Variants in ZMAT4 observed in about 807,000 individuals in gnomAD.
The protein encoded by ZMAT4 is zinc finger matrin-type protein 4.
ZMAT4 carries 17 observed loss-of-function variants against 28.7 expected under a neutral mutation model. The ratio of observed to expected loss-of-function variants is 0.59; its 90% CI spans 0.41 to 0.89. ZMAT4 has a LOEUF of 0.89. Among genes scored for constraint, ZMAT4 ranks in the 40% least tolerant of loss-of-function variants. ZMAT4 has a pLI of 0.00. For missense variants in ZMAT4, 240 were observed against 283.8 expected (o/e 0.85, Z 1.11); for synonymous variants, 117 against 109.2 (o/e 1.07, Z -0.44).
intron 5 of ZMAT4, among the ~76,000 whole-genome samples, chr8:40,658,159 A>C (rs562883925): frequency 6.6e-6 from 1 of 152,220 alleles, no homozygotes; most frequent in African/African-American, 2.4e-5. Context: ...CTGTGAGTAT[A>C]CTTTCCTTTA....
Position 40,701,238 on chromosome 8 carries a change from A to G in ZMAT4, c.193-3837T>C, listed in dbSNP as rs367686759. On this transcript the variant is annotated intron_variant, in intron 3 of 6. Transcript: ENST00000297737. ...ATCTCATTATCATATAGAAAAATTA[A>G]AAATAATAGAAGAGGAAAACCAATT... 9.8e-5 allele frequency among the ~76,000 whole-genome samples: 15 copies of G among 152,316 alleles called. No individual in the cohort carries two copies. The East Asian group carries it at 2.3e-3, about 24-fold the overall frequency.
At chr8:40,896,494 G>A (rs1412359323) in intron 1 of ZMAT4, among the ~76,000 whole-genome samples, 1 of 152,202 alleles carries the variant, frequency 6.6e-6, no homozygotes, top group African/African-American at 2.4e-5. Context: ...ACAAGCAGAA[G>A]CTGCCTTCGC....
At chr8:40,704,100 G>A (rs562739318) in intron 3 of ZMAT4, among the ~76,000 whole-genome samples, 7 of 152,292 alleles carry the variant, frequency 4.6e-5, no homozygotes, top group South Asian at 4.1e-4. Flanking sequence ...TCTGCTAGAC[G>A]CAGAAATAAC....
chr8:40,654,225 G>T (rs1807817275), intron 5 of ZMAT4, among the ~76,000 whole-genome samples: 1 of 152,050 alleles, frequency 6.6e-6, no homozygotes, highest in Non-Finnish European at 1.5e-5. Flanking sequence ...CTGCCATGCT[G>T]CTGAGCACCA....
chr8:40,669,366 A>T (rs935063453), intron 5 of ZMAT4, among the ~76,000 whole-genome samples: 5 of 152,172 alleles, frequency 3.3e-5, no homozygotes, highest in Non-Finnish European at 5.9e-5. Context: ...TACTGTAGAG[A>T]AACATTTTTA....
chr8:40,617,676 G>T (rs1046897942), intron 5 of ZMAT4, among the ~76,000 whole-genome samples: 8 of 152,152 alleles, frequency 5.3e-5, no homozygotes, highest in Non-Finnish European at 1.0e-4. Context: ...TAAATAAACA[G>T]CATAGAGCAT....
intron 3 of ZMAT4, among the ~76,000 whole-genome samples, chr8:40,737,380 C>T (rs1416594045): frequency 6.6e-6 from 1 of 151,042 alleles, no homozygotes; most frequent in East Asian, 1.9e-4. Context: ...CTGGGTGGGT[C>T]AGAATTTGAA....
intron 5 of ZMAT4, among the ~76,000 whole-genome samples, chr8:40,604,525 T>C (rs1375415748): frequency 1.3e-5 from 2 of 152,366 alleles, no homozygotes; most frequent in Non-Finnish European, 2.9e-5. Flanking sequence ...ATCACATTTA[T>C]TAGCTTGCAT....
In ZMAT4 at chr8:40,802,640, A is replaced by C. The variant is rs941522067; in HGVS notation, c.102+22935T>G. The stretch of plus-strand genomic sequence containing the variant: ...ATTGTCAAGGCATCAGTTCTTCCCA[A>C]TTTATTCTATAGATTCAATTCAATC... On this transcript the variant is annotated intron_variant, in intron 2 of 6. Transcript: ENST00000297737. Among the ~76,000 whole-genome samples the C allele has an allele frequency of 2.0e-5, 3 of 152,288 alleles. No homozygotes were observed. The South Asian group carries it at 6.2e-4, about 32-fold the overall frequency.
At chr8:40,690,997 C>T (rs1362571338) in intron 4 of ZMAT4, 9 of 881,620 alleles carry the variant, frequency 1.0e-5, no homozygotes, top group Non-Finnish European at 1.2e-5. Context: ...GTCTTTGTTG[C>T]TACCAATCCA....
chr8:40,690,798 G>A (rs1339515826), intron 4 of ZMAT4: 7 of 632,886 alleles, frequency 1.1e-5, no homozygotes, highest in East Asian at 1.4e-4. Context: ...CTGAAGCTCT[G>A]TCTCTCTAAT....
chr8:40,808,976 T>C (rs991823720), intron 2 of ZMAT4, among the ~76,000 whole-genome samples: 1 of 152,178 alleles, frequency 6.6e-6, no homozygotes, highest in Non-Finnish European at 1.5e-5. Context: ...CTAGGACTGC[T>C]GGGTCGATTA....
At chr8:40,667,775 T>G (rs1182420694) in intron 5 of ZMAT4, among the ~76,000 whole-genome samples, 1 of 149,558 alleles carries the variant, frequency 6.7e-6, no homozygotes, top group African/African-American at 2.5e-5. Flanking sequence ...TGGATGGAGA[T>G]CTTCAGATTG....
chr8:40,618,068 C>T (rs1365181806), intron 5 of ZMAT4, among the ~76,000 whole-genome samples: 1 of 152,170 alleles, frequency 6.6e-6, no homozygotes. Context: ...ATGAGTTGGA[C>T]TCATCATTGC....
chr8:40,563,088 C>A (rs1803800759), intron 6 of ZMAT4, among the ~76,000 whole-genome samples: 1 of 152,112 alleles, frequency 6.6e-6, no homozygotes, highest in Non-Finnish European at 1.5e-5. Flanking sequence ...TCATTTGTTT[C>A]TTGAACTCCA....
chr8:40,788,971 G>A (rs978999742), intron 2 of ZMAT4, among the ~76,000 whole-genome samples: 10 of 141,548 alleles, frequency 7.1e-5, no homozygotes, highest in East Asian at 2.1e-4. Context: ...GAGAGAGGAA[G>A]GGAGGGAGGG....
chr8:40,646,794 G>T (rs1585810265), intron 5 of ZMAT4, among the ~76,000 whole-genome samples: 1 of 152,118 alleles, frequency 6.6e-6, no homozygotes, highest in South Asian at 2.1e-4. Context: ...TGGATAGAAC[G>T]ATTAGCAAAA....
At chr8:40,704,054 T>C (rs2150501181) in intron 3 of ZMAT4, among the ~76,000 whole-genome samples, 1 of 152,348 alleles carries the variant, frequency 6.6e-6, no homozygotes, top group Non-Finnish European at 1.5e-5. Flanking sequence ...CAGCTGCTAC[T>C]AAGCTATACC....
chr8:40,641,079 C>T (rs562260913), intron 5 of ZMAT4, among the ~76,000 whole-genome samples: 2 of 152,070 alleles, frequency 1.3e-5, no homozygotes, highest in South Asian at 4.2e-4. Context: ...ACCAAATTTC[C>T]TAAACAGTTA....
Sources: allele counts gnomAD v4.1 joint callset (sites outside exome capture counted in the v4.1 genomes callset), GRCh38; gene constraint gnomAD v4.1.1; transcripts MANE v1.5; gene names NCBI Gene and HGNC (gene_info 2026-07-23, HGNC 2026-07-21).